Variants in CAPN3 observed in about 807,000 individuals in gnomAD.
CAPN3 encodes calpain 3, also known as calpain-3.
A neutral mutation model predicts 114.0 loss-of-function variants in CAPN3; 88 were observed. That is an observed-to-expected ratio of 0.77 (90% CI 0.65 to 0.92). The LOEUF (loss-of-function observed/expected upper bound fraction) is 0.92, where lower values mean the gene tolerates loss of function less well. Ranked by LOEUF, CAPN3 falls within the 40% of genes least tolerant of loss-of-function variation. CAPN3 has a pLI of 0.00. For missense variants in CAPN3, 1,028 were observed against 1,069.0 expected, an observed-to-expected ratio of 0.96 and a Z score of 0.53; for synonymous variants, 386 against 382.9, an observed-to-expected ratio of 1.01 and a Z score of -0.09.
At position 42,412,203 on chromosome 15, in the gene CAPN3, T is replaced by C; in HGVS notation, c.*430T>C. ...CCAAACCAGCACTGGGTTCTACTGC[T>C]GTGGGGTAAACTAACTCAGTGGAAT... On this transcript the variant is annotated 3_prime_UTR_variant, in exon 24 of 24. Coordinates refer to ENST00000397163, the MANE Select transcript of CAPN3 (RefSeq NM_000070.3). The C allele has an allele frequency of 6.5e-7, 1 of 1,535,734 alleles. No homozygotes were observed. Among genetic ancestry groups the C allele is most frequent in the East Asian group, 2.4e-5 (1 of 40,912 alleles).
Position 42,388,997 on chromosome 15 carries a change from G to T in CAPN3, c.702G>T (p.Gly234=). 1 of 1,614,076 alleles carries T rather than the reference G, an allele frequency of 6.2e-7. No individual in the cohort carries two copies. The highest frequency in any genetic ancestry group is 8.5e-7 in the Non-Finnish European group (1 of 1,179,998). ...AGGCCATGGAGGACTTCACAGGAGG[G>T]GTGGCAGAGTTTTTTGAGATCAGGG... ...TTEAMEDFTG[G]VAEFFEIRDA... is the part of the protein sequence containing the mutation. The change falls in exon 5 of 24, where the codon GGG becomes GGT. Residue 234 remains glycine (G), a synonymous_variant. Transcript: ENST00000397163.
chr15:42,387,049 C>A (rs1461422855), intron 3 of CAPN3, among the ~76,000 whole-genome samples: 3 of 152,116 alleles, frequency 2.0e-5, no homozygotes, highest in Non-Finnish European at 4.4e-5. Context: ...CTCAGACTCC[C>A]CCTCCTGCCG....
At chr15:42,378,535 A>G (rs912961606) in intron 1 of CAPN3, among the ~76,000 whole-genome samples, 1 of 151,912 alleles carries the variant, frequency 6.6e-6, no homozygotes, top group African/African-American at 2.4e-5. Context: ...TTGTGTTTTC[A>G]TTTTTCTTGT....
At chr15:42,408,025 G>C (rs1271311788) in intron 15 of CAPN3, among the ~76,000 whole-genome samples, 186 bp from the exon 16 acceptor site, 2 of 152,196 alleles carry the variant, frequency 1.3e-5, no homozygotes, top group Non-Finnish European at 2.9e-5. Flanking sequence ...GGTATGAAAA[G>C]ATAAAGAACT....
chr15:42,410,828 A>T, intron 21 of CAPN3, 56 bp from the exon 22 acceptor site: 1 of 1,462,338 alleles, frequency 6.8e-7, no homozygotes, highest in Non-Finnish European at 9.6e-7. Flanking sequence ...GGAAAATAGA[A>T]GGCAGGCCCA....
At position 42,392,740 on chromosome 15, in the gene CAPN3, T is replaced by A. The variant is rs1045928913; in HGVS notation, c.1029+18T>A. ...TGGATGAGGTAAGCCTGGTGGGGCT[T>A]GGTGGGGCAAGGGCACCCTCCTGGG... On this transcript the variant is annotated intron_variant, in intron 7 of 23. Transcript: ENST00000397163. The A allele has an allele frequency of 6.2e-7, 1 of 1,609,518 alleles. No individual in the cohort carries two copies. Among genetic ancestry groups the A allele is most frequent in the Non-Finnish European group, 8.5e-7 (1 of 1,176,344 alleles).
intron 19 of CAPN3, 102 bp downstream of exon 19, chr15:42,410,097 C>T: frequency 1.9e-6 from 2 of 1,075,592 alleles, no homozygotes; most frequent in African/African-American, 1.5e-5. Flanking sequence ...AATTTGTGCC[C>T]AGGGAAACTT....
intron 16 of CAPN3, chr15:42,408,729 T>C: frequency 2.8e-6 from 1 of 354,342 alleles, no homozygotes; most frequent in Non-Finnish European, 5.5e-6. Flanking sequence ...TGGGGTCCTC[T>C]AGAGCTCACG....
In CAPN3 at chr15:42,389,992, C is replaced by A. The variant is rs749173640; in HGVS notation, c.841C>A (p.Leu281Met). The change falls in exon 6 of 24, where the codon CTG (leucine) becomes ATG (methionine). Residue 281 changes from leucine to methionine, a missense_variant. Coordinates refer to ENST00000397163, the MANE Select transcript of CAPN3 (RefSeq NM_000070.3). ...NMTYGTSPSG[L>M]NMGELIARMV... ...GACCTATGGAACCTCTCCTTCTGGT[C>A]TGAACATGGGGGAGTTGATTGCACG... is the stretch of plus-strand genomic sequence containing the variant. The A allele has an allele frequency of 6.2e-7, 1 of 1,614,116 alleles. No individual in the cohort carries two copies. Among genetic ancestry groups the A allele is most frequent in the South Asian group, 1.1e-5 (1 of 91,076 alleles).
chr15:42,383,886 C>T (rs1390450386), intron 1 of CAPN3, among the ~76,000 whole-genome samples: 1 of 151,780 alleles, frequency 6.6e-6, no homozygotes, highest in Non-Finnish European at 1.5e-5. Flanking sequence ...ACTGCCCTAA[C>T]TCTCAAGTTG....
intron 12 of CAPN3, 102 bp from the exon 13 acceptor site, chr15:42,402,692 G>A: frequency 6.4e-7 from 1 of 1,570,096 alleles, no homozygotes; most frequent in Non-Finnish European, 8.7e-7. Context: ...ACTGTGACAT[G>A]GGTGACCAGG....
At chr15:42,386,726 C>T (rs540026255) in intron 3 of CAPN3, among the ~76,000 whole-genome samples, 1 of 152,250 alleles carries the variant, frequency 6.6e-6, no homozygotes, top group African/African-American at 2.4e-5. Flanking sequence ...TCTTCCAAGC[C>T]CTGGAAGAAG....
chr15:42,399,211 A>G (rs1181228138), intron 9 of CAPN3, among the ~76,000 whole-genome samples: 1 of 151,958 alleles, frequency 6.6e-6, no homozygotes, highest in Non-Finnish European at 1.5e-5. Flanking sequence ...CTTCCATGAC[A>G]TATGCTTTGT....
chr15:42,366,435 G>A (rs8035521), intron 1 of CAPN3, among the ~76,000 whole-genome samples: 5,765 of 152,018 alleles, frequency 0.038, 336 homozygotes, highest in African/African-American at 0.12. Flanking sequence ...TACACCAGGA[G>A]AAAAAAAAGT....
In CAPN3 at chr15:42,388,936, G is replaced by T. The variant is rs761430243; in HGVS notation, c.641G>T (p.Gly214Val). The T allele has an allele frequency of 6.2e-7, 1 of 1,613,944 alleles. No individual in the cohort carries two copies. The highest frequency in any genetic ancestry group is 1.1e-5 in the South Asian group (1 of 91,074). ...TTCATCCTCTCTCTAAGGCTCCATG[G>T]TTCCTACGAAGCTCTGAAAGGTGGG... Reference protein sequence around the residue: ...LLEKAYAKLHGSYEALKGGNT... With the variant: ...LLEKAYAKLHVSYEALKGGNT... Residue 214 changes from glycine to valine, a missense_variant, in exon 5 of 24, where the codon GGT becomes GTT. Physicochemically the swap from Gly to Val is moderately radical, Grantham distance 109 (BLOSUM62 -3). Coordinates refer to ENST00000397163, the MANE Select transcript of CAPN3 (RefSeq NM_000070.3).
Position 42,397,119 on chromosome 15 carries a change from CCA to C in CAPN3, c.1193+248_1193+249del, listed in dbSNP as rs1427185532. ...CTCTTGCCTCCTGTGTGCCCCTCCG[CCA>C]CACACTCTATTCCAGCCACAGGCAC... is the stretch of plus-strand genomic sequence containing the variant. On this transcript the variant is annotated intron_variant, in intron 9 of 23. Coordinates refer to ENST00000397163, the MANE Select transcript of CAPN3 (RefSeq NM_000070.3). Among the ~76,000 whole-genome samples, 3 of 152,290 alleles carry C rather than the reference CCA, an allele frequency of 2.0e-5. No homozygotes were observed. In the East Asian group the frequency reaches 5.8e-4, roughly 29 times the overall value.
chr15:42,375,799 C>T, intron 1 of CAPN3, among the ~76,000 whole-genome samples: 1 of 152,094 alleles, frequency 6.6e-6, no homozygotes, highest in East Asian at 1.9e-4. Context: ...TTAAATTAGC[C>T]AGTGTTAATA....
chr15:42,361,352 G>T (rs907151458), intron 1 of CAPN3, among the ~76,000 whole-genome samples: 1 of 152,062 alleles, frequency 6.6e-6, no homozygotes, highest in Non-Finnish European at 1.5e-5. Context: ...CATGCCTGTG[G>T]TCCTAGCTAC....
chr15:42,402,602 C>T (rs2053903882), intron 12 of CAPN3, 192 bp from the exon 13 acceptor site: 1 of 1,510,310 alleles, frequency 6.6e-7, no homozygotes, highest in Non-Finnish European at 8.8e-7. Flanking sequence ...GCCATTCACT[C>T]TGAATCACAA....
Sources: allele counts gnomAD v4.1 joint callset (sites outside exome capture counted in the v4.1 genomes callset), GRCh38; gene constraint gnomAD v4.1.1; transcripts MANE v1.5; gene names NCBI Gene and HGNC (gene_info 2026-07-23, HGNC 2026-07-21).